Variants in SBF2 observed in about 807,000 individuals in gnomAD.
SBF2 encodes the protein myotubularin-related protein 13.
In SBF2, 112 loss-of-function variants were observed where a neutral mutation model predicts 225.2. That is an observed-to-expected ratio of 0.50 (90% confidence interval 0.43 to 0.58). SBF2 has a LOEUF of 0.58. Among genes scored for constraint, SBF2 ranks in the 20% least tolerant of loss-of-function variants. SBF2 has a pLI of 0.00. For missense variants in SBF2, 1,996 were observed against 2,206.2 expected (o/e 0.90, Z 1.91); for synonymous variants, 763 against 773.3 (o/e 0.99, Z 0.22).
At chr11:9,975,441 A>C (rs1946638757) in intron 13 of SBF2, among the ~76,000 whole-genome samples, 1 of 152,212 alleles carries the variant, frequency 6.6e-6, no homozygotes, top group Admixed American at 6.5e-5. Context: ...ACAGACAAAA[A>C]AATTGATCAG....
intron 26 of SBF2, among the ~76,000 whole-genome samples, chr11:9,834,117 A>G (rs1257073382): frequency 7.0e-6 from 1 of 143,508 alleles, no homozygotes; most frequent in African/African-American, 2.6e-5. Context: ...TTTGAGACAC[A>G]GTTTCGCTCT....
chr11:10,039,562 G>A (rs1337471811), intron 3 of SBF2, among the ~76,000 whole-genome samples: 1 of 151,856 alleles, frequency 6.6e-6, no homozygotes, highest in Non-Finnish European at 1.5e-5. Context: ...TAAGGTGATC[G>A]TAACAAATAA....
At chr11:9,829,743 C>A in intron 27 of SBF2, 1 of 454,694 alleles carries the variant, frequency 2.2e-6, no homozygotes, top group East Asian at 4.4e-5. Context: ...CCAGAAAGAG[C>A]CCAGGTCTGG....
chr11:10,029,618 T>A, intron 5 of SBF2, 147 bp downstream of exon 5: 1 of 690,008 alleles, frequency 1.4e-6, no homozygotes, highest in Non-Finnish European at 2.6e-6. Context: ...AAGCAGACCA[T>A]GGGGACAATG....
chr11:10,063,637 G>A (rs1453557943), intron 2 of SBF2, among the ~76,000 whole-genome samples: 5 of 151,644 alleles, frequency 3.3e-5, no homozygotes, highest in African/African-American at 4.8e-5. Flanking sequence ...GATTACAGAC[G>A]TGAGCCACCG....
chr11:9,967,995 T>TA lies in SBF2; in HGVS notation c.1600+345dup, dbSNP rs1867077404. Among the ~76,000 whole-genome samples, 4 of 144,868 alleles carry TA rather than the reference T, an allele frequency of 2.8e-5. No individual in the cohort carries two copies. In the South Asian group the frequency reaches 6.8e-4, roughly 25 times the overall value. ...TCTATATATATATATATATATAAAA[T>TA]ATATATATATTCTCAAATTAAATAG... On this transcript the variant is annotated intron_variant, in intron 14 of 39. Transcript: ENST00000256190.
chr11:10,139,459 G>A (rs1954541862), intron 2 of SBF2, among the ~76,000 whole-genome samples: 1 of 152,150 alleles, frequency 6.6e-6, no homozygotes. Flanking sequence ...CGTATTAGAA[G>A]TGTAGCACCA....
At chr11:10,155,749 T>G (rs1003425178) in intron 2 of SBF2, among the ~76,000 whole-genome samples, 15 of 152,388 alleles carry the variant, frequency 9.8e-5, no homozygotes, top group Non-Finnish European at 1.9e-4. Context: ...ACTGGTATTT[T>G]CACATTATTG....
chr11:9,982,408 A>C (rs1946997150), intron 13 of SBF2, among the ~76,000 whole-genome samples: 1 of 152,248 alleles, frequency 6.6e-6, no homozygotes, highest in African/African-American at 2.4e-5. Flanking sequence ...CAGGAAAATT[A>C]CTTTGAAAAA....
intron 28 of SBF2, among the ~76,000 whole-genome samples, chr11:9,825,241 TGAA>T (rs1854999845): frequency 6.6e-6 from 1 of 152,094 alleles, no homozygotes; most frequent in South Asian, 2.1e-4. Flanking sequence ...GAATGCCATG[TGAA>T]GATGAGGGCA....
At chr11:10,117,948 T>G (rs1379459634) in intron 2 of SBF2, among the ~76,000 whole-genome samples, 1 of 152,168 alleles carries the variant, frequency 6.6e-6, no homozygotes, top group Non-Finnish European at 1.5e-5. Flanking sequence ...ATGAAAAGAA[T>G]CTTGGCAGTT....
rs533188461 is a variant in SBF2 at position 9,799,322 on chromosome 11, A to G, written c.4444-3365T>C. On this transcript the variant is annotated intron_variant, in intron 32 of 39. Coordinates refer to ENST00000256190, the MANE Select transcript of SBF2 (RefSeq NM_030962.4). ...CAATTTTCCAAGGCCTCTTGTACCC[A>G]CTCCACTGGGACTGGAATTGGTGCT... 9.9e-5 allele frequency among the ~76,000 whole-genome samples: 15 copies of G among 151,984 alleles called. 2 individuals carry two copies. The South Asian group carries it at 3.1e-3, about 32-fold the overall frequency.
chr11:9,885,987 G>C (rs934649715), intron 17 of SBF2, among the ~76,000 whole-genome samples: 11 of 152,146 alleles, frequency 7.2e-5, no homozygotes, highest in Admixed American at 7.2e-4. Flanking sequence ...AATTAGAAGA[G>C]AGGGCATTGT....
At chr11:9,973,464 A>G (rs1429147502) in intron 13 of SBF2, among the ~76,000 whole-genome samples, 1 of 152,230 alleles carries the variant, frequency 6.6e-6, no homozygotes, top group Non-Finnish European at 1.5e-5. Context: ...ATTTTTTTCC[A>G]AAGTAACCAA....
chr11:9,781,138 A>T (rs1851979647), intron 39 of SBF2, among the ~76,000 whole-genome samples: 1 of 152,254 alleles, frequency 6.6e-6, no homozygotes, highest in African/African-American at 2.4e-5. Flanking sequence ...ATGTGTGACT[A>T]AGGACAGTCT....
At chr11:10,010,268 G>A (rs1954226848) in intron 6 of SBF2, among the ~76,000 whole-genome samples, 1 of 151,998 alleles carries the variant, frequency 6.6e-6, no homozygotes, top group South Asian at 2.1e-4. Context: ...TGTCTATTTT[G>A]GTTTTTGTTG....
chr11:10,192,362 A>G (rs1957206346), intron 2 of SBF2, among the ~76,000 whole-genome samples: 1 of 152,192 alleles, frequency 6.6e-6, no homozygotes, highest in African/African-American at 2.4e-5. Flanking sequence ...CTAAGCACCT[A>G]GCAATGTATC....
chr11:10,299,529 A>T (rs974881762), intron 1 of SBF2, among the ~76,000 whole-genome samples: 1 of 152,168 alleles, frequency 6.6e-6, no homozygotes, highest in African/African-American at 2.4e-5. Flanking sequence ...GCTACATAAT[A>T]TGTGGAGTCC....
intron 17 of SBF2, among the ~76,000 whole-genome samples, chr11:9,866,083 T>C (rs979991040): frequency 3.3e-5 from 5 of 152,344 alleles, no homozygotes; most frequent in African/African-American, 1.2e-4. Flanking sequence ...CTCATTGTTA[T>C]CTATACCAAT....
Sources: gnomAD v4.1 joint callset for allele counts (sites outside exome capture counted in the v4.1 genomes callset) on GRCh38, gnomAD v4.1.1 for gene constraint, MANE v1.5 for transcripts, NCBI Gene and HGNC (gene_info 2026-07-23, HGNC 2026-07-21) for gene names.